GNAS: variants seen among roughly 807,000 people sequenced by gnomAD.
GNAS encodes the protein GNAS complex locus.
A neutral mutation model predicts 54.5 loss-of-function variants in GNAS; 8 were observed. That is an observed-to-expected ratio of 0.15 (90% confidence interval 0.09 to 0.26). GNAS has a LOEUF of 0.26. GNAS is among the 10% of genes least tolerant of loss of function. GNAS has a pLI of 1.00. For missense variants in GNAS, 170 were observed against 529.8 expected, an observed-to-expected ratio of 0.32 and a Z score of 6.67; for synonymous variants, 204 against 191.4, an observed-to-expected ratio of 1.07 and a Z score of -0.54.
Position 58,909,894 on chromosome 20 carries a change from G to C in GNAS, c.840-57G>C, listed in dbSNP as rs2091324267. On this transcript the variant is annotated intron_variant, in intron 10 of 12. Coordinates refer to ENST00000371085, the MANE Select transcript of GNAS (RefSeq NM_000516.7). The surrounding 1 kb of genome is among the most constrained non-coding windows in gnomAD (Gnocchi z 7.3). ...AGAAGAACCCCGTGCAAGCATTCCA[G>C]ACCCCTGGCCGAAAGCGCGCTTCTC... is the stretch of plus-strand genomic sequence containing the variant. 1 of 1,613,334 alleles carries C rather than the reference G, an allele frequency of 6.2e-7. No homozygotes were observed. The highest frequency in any genetic ancestry group is 1.1e-5 in the South Asian group (1 of 91,014).
At position 58,841,584 on chromosome 20, in the gene GNAS, G is replaced by A. The variant is rs1265710070; in HGVS notation, c.43+698G>A. The A allele has an allele frequency of 2.0e-6, 2 of 1,013,084 alleles. No individual in the cohort carries two copies. The highest frequency in any genetic ancestry group is 2.4e-6 in the Non-Finnish European group (2 of 848,792). The allele number at this position is 1,013,084 out of a possible 1,614,324, so 62.8% of individuals were successfully genotyped here. On this transcript the variant is annotated intron_variant, in intron 1 of 12. Transcript: ENST00000306090. The surrounding 1 kb of genome is among the most constrained non-coding windows in gnomAD (Gnocchi z 5.0). ...CCCGCCTCCCGTCGCTCGCGGGACA[G>A]AGACCGCCTCAAAGAGCGTGCGCAC...
rs1309245347 is a variant in GNAS at position 58,853,544 on chromosome 20, C to T, written c.43+12658C>T. ...TCAGGGAAGCTGGAGCCCATGGAAG[C>T]TACAGCCCACCTCCTGAGGAAGCAA... On this transcript the variant is annotated intron_variant, in intron 1 of 12. Transcript: ENST00000306090. This position sits in a 1 kb window ranked among gnomAD's most constrained non-coding sequence, Gnocchi z 4.4. 1.9e-6 allele frequency: 3 copies of T among 1,613,170 alleles called. No individual in the cohort carries two copies. The highest frequency in any genetic ancestry group is 1.7e-5 in the Admixed American group (1 of 60,016).
Position 58,853,302 on chromosome 20 carries a change from T to C in GNAS, c.43+12416T>C, listed in dbSNP as rs1007841169. ...CAACTGCCTCTACGGCAATAATATG[T>C]CAGGACAACGCGATATCCCCCCTGA... On this transcript the variant is annotated intron_variant, in intron 1 of 12. Transcript: ENST00000306090. This position sits in a 1 kb window ranked among gnomAD's most constrained non-coding sequence, Gnocchi z 4.4. The C allele has an allele frequency of 6.5e-7, 1 of 1,550,136 alleles. No homozygotes were observed. The highest frequency in any genetic ancestry group is 1.4e-5 in the African/African-American group (1 of 73,010).
intron 3 of GNAS, among the ~76,000 whole-genome samples, chr20:58,899,659 A>G (rs1455738990): frequency 4.5e-5 from 6 of 132,114 alleles, no homozygotes; most frequent in African/African-American, 1.5e-4. Flanking sequence ...TCACACACAC[A>G]CACACGCACA....
In GNAS at chr20:58,840,896, C is replaced by G. The variant is rs1409750080; in HGVS notation, c.43+10C>G. On this transcript the variant is annotated intron_variant, in intron 1 of 12. Transcript: ENST00000306090. The surrounding 1 kb of genome is among the most constrained non-coding windows in gnomAD (Gnocchi z 6.0). Reference sequence around the variant, plus strand: ...GTTTTCATGGATTCAGGTTAGTTGCCCACCGCTAAACTGGGGAGCCTGAGG... The same window carrying G: ...GTTTTCATGGATTCAGGTTAGTTGCGCACCGCTAAACTGGGGAGCCTGAGG... 1 of 1,612,176 alleles carries G rather than the reference C, an allele frequency of 6.2e-7. No homozygotes were observed. Among genetic ancestry groups the G allele is most frequent in the Non-Finnish European group, 8.5e-7 (1 of 1,179,690 alleles).
intron 5 of GNAS, among the ~76,000 whole-genome samples, chr20:58,904,572 C>CAA (rs2146198109): frequency 6.6e-6 from 1 of 152,206 alleles, no homozygotes; most frequent in Non-Finnish European, 1.5e-5. Context: ...AAGATGTATG[C>CAA]GTTTGTAAGA....
At chr20:58,875,293 C>T (rs1000139961) in intron 1 of GNAS, among the ~76,000 whole-genome samples, 5 of 152,186 alleles carry the variant, frequency 3.3e-5, no homozygotes, top group Admixed American at 1.3e-4. Flanking sequence ...GGCCTCCTTA[C>T]CTCCCTGCAG....
upstream of GNAS, among the ~76,000 whole-genome samples, chr20:58,890,223 G>C (rs9679845): frequency 1.3e-5 from 2 of 151,350 alleles, no homozygotes; most frequent in Non-Finnish European, 3.0e-5. Context: ...GAAGGTGCCA[G>C]AAGCCCAGGA....
chr20:58,887,359 A>G (rs1036727006), upstream of GNAS, among the ~76,000 whole-genome samples: 11 of 152,156 alleles, frequency 7.2e-5, no homozygotes, highest in African/African-American at 2.4e-4. Context: ...AAAAATGACA[A>G]TCAATCAAAT....
chr20:58,907,316 A>G (rs557592280), intron 6 of GNAS, among the ~76,000 whole-genome samples: 55 of 152,310 alleles, frequency 3.6e-4, no homozygotes, highest in African/African-American at 1.3e-3. Flanking sequence ...AAAACAGTCC[A>G]TCTTGGCTGG....
rs3198765 is a variant in GNAS, at chr20:58,910,912, A to C, written c.*83A>C. On this transcript the variant is annotated 3_prime_UTR_variant, in exon 13 of 13. Coordinates refer to ENST00000371085, the MANE Select transcript of GNAS (RefSeq NM_000516.7). This position sits in a 1 kb window ranked among gnomAD's most constrained non-coding sequence, Gnocchi z 5.8. ...TAATTGTACAAGCAGTTAATCACCC[A>C]CCATAGGGCATGATTAACAAAGCAA... The C allele has an allele frequency of 7.5e-7, 1 of 1,329,650 alleles. No individual in the cohort carries two copies. The highest frequency in any genetic ancestry group is 1.1e-6 in the Non-Finnish European group (1 of 929,790). 82.4% of individuals were successfully genotyped at this position (1,329,650 alleles called of 1,614,324 possible).
intron 1 of GNAS, among the ~76,000 whole-genome samples, chr20:58,843,763 G>C (rs555763097): frequency 3.3e-5 from 5 of 152,180 alleles, no homozygotes; most frequent in African/African-American, 1.2e-4. Flanking sequence ...TTGCTTTTGT[G>C]GGGGAGGGGA....
chr20:58,841,934 T>G lies in GNAS; in HGVS notation c.43+1048T>G. 1.7e-6 allele frequency: 2 copies of G among 1,197,488 alleles called. No individual in the cohort carries two copies. Among genetic ancestry groups the G allele is most frequent in the Non-Finnish European group, 2.1e-6 (2 of 956,712 alleles). 74.2% of individuals were successfully genotyped at this position (1,197,488 alleles called of 1,614,324 possible). ...GGTCGCGTCTAACATCAGGATAACT[T>G]ACAATTCGTTTCCAAAGAGCGCGGT... On this transcript the variant is annotated intron_variant, in intron 1 of 12. Transcript: ENST00000306090. The surrounding 1 kb of genome is among the most constrained non-coding windows in gnomAD (Gnocchi z 5.0).
chr20:58,840,357 C>G, upstream of GNAS: 1 of 1,613,318 alleles, frequency 6.2e-7, no homozygotes, highest in Non-Finnish European at 8.5e-7. This position sits in a 1 kb window ranked among gnomAD's most constrained non-coding sequence, Gnocchi z 6.0. Flanking sequence ...GAATCGGAAT[C>G]TGACCACGAG....
At chr20:58,860,251 C>T (rs931106811) in intron 1 of GNAS, among the ~76,000 whole-genome samples, 1 of 151,288 alleles carries the variant, frequency 6.6e-6, no homozygotes, top group South Asian at 2.1e-4. Context: ...AACTCATCTG[C>T]CAGCACTGCA....
intron 1 of GNAS, chr20:58,884,837 G>A (rs1450193955): frequency 6.6e-6 from 1 of 152,226 alleles, no homozygotes; most frequent in African/African-American, 2.4e-5. Flanking sequence ...TGTTATTGAT[G>A]TTGATGTACC....
intron 1 of GNAS, among the ~76,000 whole-genome samples, chr20:58,849,252 G>A (rs1053368971): frequency 1.3e-5 from 2 of 152,134 alleles, no homozygotes; most frequent in Non-Finnish European, 2.9e-5. Flanking sequence ...CCAGTGCAGA[G>A]GCTAAAACAC....
At chr20:58,906,473 C>T (rs1321723607) in intron 6 of GNAS, among the ~76,000 whole-genome samples, 1 of 152,202 alleles carries the variant, frequency 6.6e-6, no homozygotes. Flanking sequence ...TGGCTTCCCT[C>T]ATCTTGCACA....
At position 58,900,282 on chromosome 20, in the gene GNAS, A is replaced by G. The variant is rs1437341665; in HGVS notation, c.257+1297A>G. ...GTCCTTAGTGAGCAACCTACTGTGT[A>G]CTAGATGTCCTGCTAAACCCTTGAA... On this transcript the variant is annotated intron_variant, in intron 3 of 12. Coordinates refer to ENST00000371085, the MANE Select transcript of GNAS (RefSeq NM_000516.7). 1.4e-5 allele frequency: 6 copies of G among 422,220 alleles called. No individual in the cohort carries two copies. In the Admixed American group the frequency reaches 2.4e-4, roughly 17 times the overall value. The allele number at this position is 422,220 out of a possible 1,614,324, so 26.2% of individuals were successfully genotyped here.
Sources: allele counts gnomAD v4.1 joint callset (sites outside exome capture counted in the v4.1 genomes callset), GRCh38; gene constraint gnomAD v4.1.1; non-coding constraint Gnocchi (gnomAD v3.1); transcripts MANE v1.5; gene names NCBI Gene and HGNC (gene_info 2026-07-23, HGNC 2026-07-21).